Variants in AHNAK observed in about 807,000 individuals in gnomAD.
AHNAK encodes neuroblast differentiation-associated protein AHNAK.
AHNAK carries 23 observed loss-of-function variants against 37.8 expected under a neutral mutation model. The observed-to-expected ratio is 0.61, with a 90% CI of 0.44 to 0.86. The LOEUF (loss-of-function observed/expected upper bound fraction) is 0.86, where lower values mean the gene tolerates loss of function less well. Among genes scored for constraint, AHNAK ranks in the 40% least tolerant of loss-of-function variants. AHNAK has a pLI of 0.00. For missense variants in AHNAK, 7,411 were observed against 7,319.4 expected (o/e 1.01, Z -0.46); for synonymous variants, 2,481 against 2,636.3 (o/e 0.94, Z 1.80).
chr11:62,515,527 G>T (rs1480277594), downstream of AHNAK, among the ~76,000 whole-genome samples: 1 of 152,224 alleles, frequency 6.6e-6, no homozygotes, highest in Non-Finnish European at 1.5e-5. Context: ...CTGCAGCCAT[G>T]TCAGGAATAA....
At chr11:62,452,828 C>T (rs536159648) in intron 5 of AHNAK, among the ~76,000 whole-genome samples, 52 of 152,196 alleles carry the variant, frequency 3.4e-4, no homozygotes, top group African/African-American at 1.1e-3. Flanking sequence ...AGTTGGAGAC[C>T]AGCCTGGCCA....
chr11:62,478,945 A>G (rs1272584499), intron 5 of AHNAK, among the ~76,000 whole-genome samples: 5 of 151,788 alleles, frequency 3.3e-5, no homozygotes, highest in African/African-American at 1.2e-4. Flanking sequence ...GCGCAATCTC[A>G]GCTCACTACA....
At chr11:62,507,097 C>T (rs1939826457) in intron 4 of AHNAK, among the ~76,000 whole-genome samples, 1 of 152,052 alleles carries the variant, frequency 6.6e-6, no homozygotes, top group Non-Finnish European at 1.5e-5. Context: ...CCACTCCTCT[C>T]CAAACCTTGA....
chr11:62,470,561 G>A (rs909382166), intron 5 of AHNAK, among the ~76,000 whole-genome samples: 4 of 152,070 alleles, frequency 2.6e-5, no homozygotes, highest in South Asian at 2.1e-4. Flanking sequence ...AGCCGAGATC[G>A]CGCCACTGCA....
At chr11:62,461,686 A>G (rs960593754) in intron 5 of AHNAK, among the ~76,000 whole-genome samples, 1 of 151,988 alleles carries the variant, frequency 6.6e-6, no homozygotes, top group East Asian at 1.9e-4. Context: ...GTAGCTGTGT[A>G]TGGTGGTGTA....
intron 5 of AHNAK, among the ~76,000 whole-genome samples, chr11:62,485,042 G>A (rs1306484528): frequency 6.6e-6 from 1 of 152,132 alleles, no homozygotes; most frequent in East Asian, 1.9e-4. Flanking sequence ...GCCTGCCTCG[G>A]CCTCCCAAAG....
In AHNAK at chr11:62,444,959, C is replaced by T. The variant is rs540533770; in HGVS notation, c.443-11068G>A. ...GCTGGGACCAAACGACTCTGTTCCT[C>T]GCCCATTACCAACACTACCTCCTCC... On this transcript the variant is annotated intron_variant, in intron 5 of 5. Transcript: ENST00000257247. Among the ~76,000 whole-genome samples, 6 of 152,344 alleles carry T rather than the reference C, an allele frequency of 3.9e-5. No individual in the cohort carries two copies. The South Asian group carries it at 6.2e-4, about 16-fold the overall frequency.
chr11:62,433,851 C>T (rs1367905962), exon 6 of AHNAK: 2 of 1,613,732 alleles, frequency 1.2e-6, no homozygotes, highest in African/African-American at 2.7e-5. Context: ...CAAAAACAAC[C>T]TTAAGAGGGG....
chr11:62,449,655 C>A (rs975365625), intron 5 of AHNAK, among the ~76,000 whole-genome samples: 8 of 152,184 alleles, frequency 5.3e-5, no homozygotes, highest in Non-Finnish European at 4.4e-5. Context: ...AAAGCTACCA[C>A]CCAACACCTG....
chr11:62,520,490 C>T lies in AHNAK; in HGVS notation c.13927G>A (p.Val4643Ile), dbSNP rs750676449. 16 of 1,614,006 alleles carry T rather than the reference C, an allele frequency of 9.9e-6. No homozygotes were observed. Among genetic ancestry groups the T allele is most frequent in the Middle Eastern group, 3.3e-4 (2 of 6,084 alleles). Residue 4643 changes from valine to isoleucine, a missense_variant, in exon 5 of 5, where the codon GTT becomes ATT. Transcript: ENST00000378024. ...KVDIDVPDVD[V>I]QGPDWHLKMP... is the part of the protein sequence containing the mutation. Reference sequence around the variant, plus strand: ...TTTAGGTGCCAGTCTGGGCCTTGAACGTCCACATCTGGGACATCAATGTCC... The same window carrying T: ...TTTAGGTGCCAGTCTGGGCCTTGAATGTCCACATCTGGGACATCAATGTCC...
At chr11:62,513,565 G>T (rs2134184792), downstream of AHNAK, among the ~76,000 whole-genome samples, 1 of 152,120 alleles carries the variant, frequency 6.6e-6, no homozygotes, top group African/African-American at 2.4e-5. Context: ...GACTTTAGGG[G>T]ATAACTTGGA....
chr11:62,440,311 G>A (rs1340297531), intron 5 of AHNAK, among the ~76,000 whole-genome samples: 1 of 152,128 alleles, frequency 6.6e-6, no homozygotes, highest in African/African-American at 2.4e-5. Flanking sequence ...AGCCGAAAAT[G>A]TTAGGGAACA....
chr11:62,500,538 C>A (rs1939693822), intron 4 of AHNAK, among the ~76,000 whole-genome samples: 1 of 152,194 alleles, frequency 6.6e-6, no homozygotes, highest in Non-Finnish European at 1.5e-5. Context: ...CCTCAGAGAG[C>A]CCGATGATGA....
intron 1 of AHNAK, among the ~76,000 whole-genome samples, chr11:62,537,673 G>A (rs1039040684): frequency 2.0e-5 from 3 of 151,312 alleles, no homozygotes; most frequent in East Asian, 1.9e-4. Context: ...GCTTGGACCC[G>A]AGTCTGTAAC....
Position 62,525,112 on chromosome 11 carries a change from C to A in AHNAK, c.9305G>T (p.Gly3102Val), listed in dbSNP as rs759279435. ...SMPDIDLNLK[G>V]PKVKGDMDVS... ...ATCCATGTCACCCTTCACTTTGGGA[C>A]CTTTCAGGTTAAGATCAATGTCAGG... is the stretch of plus-strand genomic sequence containing the variant. The change falls in exon 5 of 5, where the codon GGT becomes GTT. Residue 3102 changes from glycine (G) to valine (V), a missense_variant. Transcript: ENST00000378024. 1.9e-6 allele frequency: 3 copies of A among 1,614,114 alleles called. No individual in the cohort carries two copies. The highest frequency in any genetic ancestry group is 1.6e-4 in the Middle Eastern group (1 of 6,062).
intron 5 of AHNAK, among the ~76,000 whole-genome samples, chr11:62,436,724 C>T (rs1159926655): frequency 1.3e-5 from 2 of 151,412 alleles, no homozygotes; most frequent in African/African-American, 4.9e-5. Context: ...ATCACGAGGT[C>T]AGGAGATCGA....
At chr11:62,463,711 G>T (rs1938840653) in intron 5 of AHNAK, among the ~76,000 whole-genome samples, 1 of 151,968 alleles carries the variant, frequency 6.6e-6, no homozygotes. Context: ...TTTTGGTTTT[G>T]GTTGTTTTTT....
At chr11:62,479,941 G>A (rs1040197436) in intron 5 of AHNAK, among the ~76,000 whole-genome samples, 31 of 152,178 alleles carry the variant, frequency 2.0e-4, no homozygotes, top group African/African-American at 7.0e-4. Context: ...CCCATTCCGG[G>A]GAGCTGGAAT....
In AHNAK at chr11:62,520,786, A is replaced by T. The variant is rs1229208092; in HGVS notation, c.13631T>A (p.Leu4544Gln). 1.9e-6 allele frequency: 3 copies of T among 1,613,862 alleles called. No homozygotes were observed. In the African/African-American group the frequency reaches 4.0e-5, roughly 22 times the overall value. ...KGDMDISVPK[L>Q]EGDLKGPKVD... ...TTTGGGACCTTTCAGATCTCCCTCC[A>T]GTTTAGGAACGGAAATGTCCATATC... Residue 4544 changes from leucine to glutamine, a missense_variant, in exon 5 of 5, where the codon CTG becomes CAG. Leu to Gln is a moderately radical substitution (Grantham distance 113). Transcript: ENST00000378024.
Sources: allele counts gnomAD v4.1 joint callset (sites outside exome capture counted in the v4.1 genomes callset), GRCh38; gene constraint gnomAD v4.1.1; transcripts MANE v1.5; gene names NCBI Gene and HGNC (gene_info 2026-07-23, HGNC 2026-07-21).